Variants in CNTN4 observed in about 807,000 individuals in gnomAD.
The protein encoded by CNTN4 is contactin-4.
A neutral mutation model predicts 122.5 loss-of-function variants in CNTN4; 77 were observed. The ratio of observed to expected loss-of-function variants is 0.63; its 90% CI spans 0.52 to 0.76. The LOEUF (loss-of-function observed/expected upper bound fraction) is 0.76, where lower values mean the gene tolerates loss of function less well. Ranked by LOEUF, CNTN4 falls within the 30% of genes least tolerant of loss-of-function variation. CNTN4 has a pLI of 0.00. For missense variants in CNTN4, 1,256 were observed against 1,259.1 expected, an observed-to-expected ratio of 1.00 and a Z score of 0.04; for synonymous variants, 512 against 447.0, an observed-to-expected ratio of 1.15 and a Z score of -1.83.
intron 3 of CNTN4, among the ~76,000 whole-genome samples, chr3:2,407,873 T>A (rs1447394344): frequency 6.6e-6 from 1 of 152,204 alleles, no homozygotes; most frequent in Non-Finnish European, 1.5e-5. Flanking sequence ...ATTCCCTATG[T>A]GATGAGTCTA....
intron 3 of CNTN4, among the ~76,000 whole-genome samples, chr3:2,489,493 C>G (rs2076254285): frequency 1.3e-5 from 2 of 152,126 alleles, no homozygotes; most frequent in African/African-American, 4.8e-5. Flanking sequence ...AAGCCTCAGC[C>G]AAAATGAAGA....
intron 2 of CNTN4, among the ~76,000 whole-genome samples, chr3:2,217,033 C>G (rs1394433991): frequency 6.6e-6 from 1 of 152,160 alleles, no homozygotes; most frequent in Non-Finnish European, 1.5e-5. Context: ...GATCTTTCTA[C>G]TCTATCTCAG....
intron 2 of CNTN4, among the ~76,000 whole-genome samples, chr3:2,120,370 T>G (rs1180054115): frequency 1.1e-5 from 1 of 87,776 alleles, no homozygotes; most frequent in African/African-American, 4.8e-5. Flanking sequence ...TATATATATA[T>G]ATAAATATAT....
In CNTN4 at chr3:2,733,343, T is replaced by A. The variant is rs146674608; in HGVS notation, c.56-2872T>A. 2.0e-5 allele frequency among the ~76,000 whole-genome samples: 3 copies of A among 152,346 alleles called. No homozygotes were observed. The East Asian group carries it at 5.8e-4, about 29-fold the overall frequency. ...TAGTGATCTTGACGAATAACATGTT[T>A]CATTTACCTAGATGTGCCAAAAATC... On this transcript the variant is annotated intron_variant, in intron 4 of 24. Coordinates refer to ENST00000418658, the MANE Select transcript of CNTN4 (RefSeq NM_175607.3).
intron 4 of CNTN4, among the ~76,000 whole-genome samples, chr3:2,695,361 C>G (rs1186904009): frequency 6.6e-6 from 1 of 152,196 alleles, no homozygotes; most frequent in Non-Finnish European, 1.5e-5. Context: ...CCAAGTAAAC[C>G]CCTCTTATGC....
chr3:2,677,484 ATCTATCTATCTATCT>A (rs2084932153), intron 4 of CNTN4, among the ~76,000 whole-genome samples: 1 of 50,166 alleles, frequency 2.0e-5, no homozygotes, highest in Non-Finnish European at 4.7e-5. Context: ...ATCCATCTAT[ATCTATCTATCTATCT>A]ATCTATCTAT....
chr3:2,274,528 T>C (rs1001638745), intron 2 of CNTN4, among the ~76,000 whole-genome samples: 8 of 151,910 alleles, frequency 5.3e-5, no homozygotes, highest in South Asian at 2.1e-4. Context: ...GCTTTTTTTT[T>C]CCTCAGTCTG....
intron 3 of CNTN4, among the ~76,000 whole-genome samples, chr3:2,426,265 T>C (rs1028674617): frequency 6.6e-6 from 1 of 152,014 alleles, no homozygotes; most frequent in African/African-American, 2.4e-5. Flanking sequence ...TTGTTGAGAG[T>C]TTTTAGCATG....
intron 4 of CNTN4, among the ~76,000 whole-genome samples, chr3:2,677,696 G>A (rs569509359): frequency 4.6e-4 from 70 of 152,148 alleles, no homozygotes; most frequent in African/African-American, 1.7e-3. Context: ...CCCAGCAGAT[G>A]GTGGTGGCAG....
intron 3 of CNTN4, among the ~76,000 whole-genome samples, chr3:2,447,272 A>T (rs1268103166): frequency 6.6e-6 from 1 of 152,186 alleles, no homozygotes; most frequent in African/African-American, 2.4e-5. Flanking sequence ...GATTCCAAGT[A>T]CATGCCTGTT....
chr3:2,994,508 A>T (rs1013746483), intron 14 of CNTN4, among the ~76,000 whole-genome samples: 1 of 151,672 alleles, frequency 6.6e-6, no homozygotes, highest in African/African-American at 2.4e-5. Flanking sequence ...TTAGCTGAGC[A>T]TTTAACGGAT....
intron 6 of CNTN4, among the ~76,000 whole-genome samples, chr3:2,786,530 C>A (rs1338162875): frequency 6.6e-6 from 1 of 152,184 alleles, no homozygotes; most frequent in Non-Finnish European, 1.5e-5. Context: ...GTGAAGGGAT[C>A]AAGGGAACTG....
At chr3:2,572,058 T>C (rs1185834300) in intron 4 of CNTN4, among the ~76,000 whole-genome samples, 1 of 152,144 alleles carries the variant, frequency 6.6e-6, no homozygotes, top group African/African-American at 2.4e-5. Context: ...GTTTTTACCA[T>C]ATACTCATGG....
At chr3:2,613,488 ACAT>A (rs2081584873) in intron 4 of CNTN4, among the ~76,000 whole-genome samples, 1 of 152,142 alleles carries the variant, frequency 6.6e-6, no homozygotes, top group Non-Finnish European at 1.5e-5. Flanking sequence ...AGGTGCTGCA[ACAT>A]ATTTGTTCAT....
intron 2 of CNTN4, among the ~76,000 whole-genome samples, chr3:2,188,518 A>C (rs1373245487): frequency 1.3e-5 from 2 of 152,210 alleles, no homozygotes; most frequent in African/African-American, 4.8e-5. Context: ...AATAAAGTCC[A>C]GAAACCTTTT....
At chr3:2,736,119 AT>A in intron 4 of CNTN4, 95 bp from the exon 5 acceptor site, 1 of 1,282,386 alleles carries the variant, frequency 7.8e-7, no homozygotes, top group Admixed American at 1.7e-5. Context: ...TTTTTTGTTA[AT>A]TTCTTTCTAT....
At chr3:2,759,878 G>A (rs888657176) in intron 6 of CNTN4, among the ~76,000 whole-genome samples, 12 of 152,148 alleles carry the variant, frequency 7.9e-5, no homozygotes, top group African/African-American at 2.4e-4. Context: ...TCAACCTACT[G>A]AGTGTGATGT....
chr3:2,622,401 C>G (rs79164660), intron 4 of CNTN4, among the ~76,000 whole-genome samples: 1,838 of 152,290 alleles, frequency 0.012, 17 homozygotes, highest in Middle Eastern at 0.027. Context: ...CAGTGATTCT[C>G]GTGCCTCAAC....
At position 2,573,621 on chromosome 3, in the gene CNTN4, G is replaced by A. The variant is rs1331688509; in HGVS notation, c.55+2063G>A. Among the ~76,000 whole-genome samples the A allele has an allele frequency of 2.6e-5, 4 of 152,162 alleles. No individual in the cohort carries two copies. In the South Asian group the frequency reaches 8.3e-4, roughly 32 times the overall value. On this transcript the variant is annotated intron_variant, in intron 4 of 24. Transcript: ENST00000418658. ...TAAGTAAATATCAAGATATGAAAGGGTTAAAAATCAAGAAAGCCACTACTC... is the reference window on the plus strand; with the variant it reads ...TAAGTAAATATCAAGATATGAAAGGATTAAAAATCAAGAAAGCCACTACTC...
Sources: gnomAD v4.1 joint callset for allele counts (sites outside exome capture counted in the v4.1 genomes callset) on GRCh38, gnomAD v4.1.1 for gene constraint, MANE v1.5 for transcripts, NCBI Gene and HGNC (gene_info 2026-07-23, HGNC 2026-07-21) for gene names.